The following LINGO2 variants were observed in gnomAD, a reference collection of about 807,000 sequenced individuals.
LINGO2 encodes leucine-rich repeat and immunoglobulin-like domain-containing nogo receptor-interacting protein 2.
A neutral mutation model predicts 30.6 loss-of-function variants in LINGO2; 14 were observed. That is an observed-to-expected ratio of 0.46 (90% confidence interval 0.30 to 0.72). The LOEUF (loss-of-function observed/expected upper bound fraction) is 0.72, where lower values mean the gene tolerates loss of function less well. Ranked by LOEUF, LINGO2 falls within the 30% of genes least tolerant of loss-of-function variation. The pLI, the probability that LINGO2 is intolerant of heterozygous loss-of-function variation, is 0.07. For missense variants in LINGO2, 729 were observed against 751.7 expected (o/e 0.97, Z 0.35); for synonymous variants, 317 against 288.5 (o/e 1.10, Z -1.00).
chr9:28,810,851 C>G, the LINGO2 span, among the ~76,000 whole-genome samples: 1 of 152,006 alleles, frequency 6.6e-6, no homozygotes, highest in East Asian at 1.9e-4. Flanking sequence ...TGAAGTCATC[C>G]TTGTCTCTTG....
At chr9:29,201,298 G>A in the LINGO2 span, among the ~76,000 whole-genome samples, 2 of 151,988 alleles carry the variant, frequency 1.3e-5, no homozygotes, top group South Asian at 4.1e-4. Flanking sequence ...GGATATTTTA[G>A]GCACAAATTC....
chr9:28,247,643 C>A (rs1050793499), intron 4 of LINGO2, among the ~76,000 whole-genome samples: 2 of 151,994 alleles, frequency 1.3e-5, no homozygotes, highest in African/African-American at 4.8e-5. Flanking sequence ...ATAGCTAATG[C>A]ATGCAGGTTT....
At chr9:28,787,869 C>T in the LINGO2 span, among the ~76,000 whole-genome samples, 1 of 152,076 alleles carries the variant, frequency 6.6e-6, no homozygotes, top group African/African-American at 2.4e-5. Flanking sequence ...ATGGTGGAAG[C>T]ACATTCATTC....
the LINGO2 span, among the ~76,000 whole-genome samples, chr9:29,206,406 A>AACACAAGGAGTCT: frequency 3.3e-5 from 5 of 152,200 alleles, no homozygotes; most frequent in Non-Finnish European, 7.3e-5. Flanking sequence ...CTCCCTTGCC[A>AACACAAGGAGTCT]ACACAAGGAG....
At chr9:28,053,348 G>C (rs80151250) in intron 4 of LINGO2, among the ~76,000 whole-genome samples, 7 of 152,046 alleles carry the variant, frequency 4.6e-5, no homozygotes, top group Non-Finnish European at 7.4e-5. Flanking sequence ...GGAGAGAGTC[G>C]TAAGAGACAA....
the LINGO2 span, among the ~76,000 whole-genome samples, chr9:28,984,290 G>C: frequency 6.6e-6 from 1 of 152,056 alleles, no homozygotes; most frequent in African/African-American, 2.4e-5. Flanking sequence ...TCAAGAAAAA[G>C]AATCATTGTG....
intron 1 of LINGO2, among the ~76,000 whole-genome samples, chr9:28,545,223 G>A (rs1330006896): frequency 6.6e-6 from 1 of 152,004 alleles, no homozygotes; most frequent in Non-Finnish European, 1.5e-5. Context: ...AGGCAGACAA[G>A]GTAGTGATTC....
intron 2 of LINGO2, among the ~76,000 whole-genome samples, chr9:28,376,001 CT>C (rs1821115542): frequency 1.3e-5 from 2 of 152,104 alleles, no homozygotes; most frequent in Non-Finnish European, 2.9e-5. Context: ...TCATCAGGAT[CT>C]GATATGGCTG....
the LINGO2 span, among the ~76,000 whole-genome samples, chr9:28,757,729 C>T: frequency 6.6e-6 from 1 of 151,886 alleles, no homozygotes; most frequent in Non-Finnish European, 1.5e-5. Flanking sequence ...TCTAACTTCC[C>T]CTGGAGTCCA....
At chr9:28,477,887 G>A (rs749485323) in intron 1 of LINGO2, among the ~76,000 whole-genome samples, 3 of 152,206 alleles carry the variant, frequency 2.0e-5, no homozygotes, top group Non-Finnish European at 4.4e-5. Context: ...GGCTGCAGCC[G>A]ATCTCTCAAA....
chr9:28,221,340 G>C (rs10968394), intron 4 of LINGO2, among the ~76,000 whole-genome samples: 33,749 of 142,924 alleles, frequency 0.24, 4,130 homozygotes, highest in South Asian at 0.34. Flanking sequence ...AGATAGAGGA[G>C]ATTAAGTGTT....
chr9:28,465,936 T>C (rs1431269159), intron 2 of LINGO2, among the ~76,000 whole-genome samples: 1 of 151,970 alleles, frequency 6.6e-6, no homozygotes, highest in African/African-American at 2.4e-5. Flanking sequence ...GTTAAAATGG[T>C]TTTTATCCAA....
intron 1 of LINGO2, among the ~76,000 whole-genome samples, chr9:28,526,317 T>C (rs941830524): frequency 6.6e-6 from 1 of 152,104 alleles, no homozygotes; most frequent in Non-Finnish European, 1.5e-5. Context: ...TTACAACAGA[T>C]AGAAAAGCAG....
rs574192703 is a variant in LINGO2 at position 28,058,124 on chromosome 9, C to A, written c.-86-45719G>T. ...AAAAGTCATCCCTTTTAGATACTTACCCTTGCCAATAAATAATTCCAGCTG... is the reference window on the plus strand; with the variant it reads ...AAAAGTCATCCCTTTTAGATACTTAACCTTGCCAATAAATAATTCCAGCTG... On this transcript the variant is annotated intron_variant, in intron 4 of 5. Transcript: ENST00000379992. Among the ~76,000 whole-genome samples the A allele has an allele frequency of 2.4e-4, 37 of 152,128 alleles. 1 individual carries two copies. The highest frequency in any genetic ancestry group is 8.4e-4 in the African/African-American group (35 of 41,482).
intron 1 of LINGO2, among the ~76,000 whole-genome samples, chr9:28,541,549 T>C (rs1204681143): frequency 6.6e-6 from 1 of 152,202 alleles, no homozygotes; most frequent in African/African-American, 2.4e-5. Flanking sequence ...GATGTGTGGC[T>C]TTCTAGTTTC....
chr9:29,024,979 T>C, the LINGO2 span, among the ~76,000 whole-genome samples: 167 of 152,254 alleles, frequency 1.1e-3, 1 homozygote, highest in Non-Finnish European at 3.8e-4. Context: ...ATGGCTTATA[T>C]TGTTTATCAA....
At chr9:28,468,402 T>A (rs1825394708) in intron 2 of LINGO2, among the ~76,000 whole-genome samples, 1 of 152,166 alleles carries the variant, frequency 6.6e-6, no homozygotes. Context: ...GTAGTATAGT[T>A]GGGATCTTAG....
chr9:28,959,612 T>TCTCTCTCTCACACACACACA, the LINGO2 span, among the ~76,000 whole-genome samples: 1 of 132,162 alleles, frequency 7.6e-6, no homozygotes, highest in African/African-American at 3.2e-5. Flanking sequence ...TCTCTCTCCC[T>TCTCTCTCTCACACACACACA]CACACACACA....
At chr9:28,931,788 A>T in the LINGO2 span, among the ~76,000 whole-genome samples, 11 of 152,118 alleles carry the variant, frequency 7.2e-5, no homozygotes, top group African/African-American at 2.7e-4. Flanking sequence ...CAAATGAGGC[A>T]AATATAAAAT....
Sources: gnomAD v4.1 joint callset for allele counts (sites outside exome capture counted in the v4.1 genomes callset) on GRCh38, gnomAD v4.1.1 for gene constraint, MANE v1.5 for transcripts, NCBI Gene and HGNC (gene_info 2026-07-23, HGNC 2026-07-21) for gene names.